NRG3: variants seen among roughly 807,000 people sequenced by gnomAD.
The protein encoded by NRG3 is pro-neuregulin-3, membrane-bound isoform.
A neutral mutation model predicts 66.9 loss-of-function variants in NRG3; 31 were observed. The observed-to-expected ratio is 0.46, with a 90% CI of 0.35 to 0.63. NRG3 has a LOEUF of 0.63. Ranked by LOEUF, NRG3 falls within the 20% of genes least tolerant of loss-of-function variation. NRG3 has a pLI of 0.00. For synonymous variants in NRG3, 393 were observed against 359.4 expected (o/e 1.09, Z -1.06); for missense variants, 910 against 878.9 (o/e 1.04, Z -0.45).
At position 81,877,357 on chromosome 10, in the gene NRG3, T is replaced by C. The variant is rs574080905; in HGVS notation, c.823+1194T>C. On this transcript the variant is annotated intron_variant, in intron 1 of 8. Transcript: ENST00000372141. ...ACAAACCCCAGGCTGCTAGTTCAAG[T>C]TCTGTGCAAGGCTATTTTGCAAAAA... is the stretch of plus-strand genomic sequence containing the variant. Among the ~76,000 whole-genome samples the C allele has an allele frequency of 5.9e-5, 9 of 152,288 alleles. No homozygotes were observed. The East Asian group carries it at 1.7e-3, about 29-fold the overall frequency.
At chr10:82,699,424 C>G (rs754252305) in intron 2 of NRG3, among the ~76,000 whole-genome samples, 1 of 152,002 alleles carries the variant, frequency 6.6e-6, no homozygotes, top group South Asian at 2.1e-4. Context: ...TTATTTTTAA[C>G]GTTCTTTAGC....
chr10:82,848,220 T>A (rs187341300), intron 3 of NRG3, among the ~76,000 whole-genome samples: 24 of 152,326 alleles, frequency 1.6e-4, no homozygotes, highest in African/African-American at 5.8e-4. Flanking sequence ...TCCTTGTGGC[T>A]TAAATTTTGT....
chr10:82,602,914 G>A (rs758296386), intron 2 of NRG3, among the ~76,000 whole-genome samples: 3 of 152,116 alleles, frequency 2.0e-5, no homozygotes, highest in Non-Finnish European at 4.4e-5. Flanking sequence ...GCTTGCCTAA[G>A]GAGACAATGA....
chr10:82,758,558 A>G (rs1372651160), intron 3 of NRG3, among the ~76,000 whole-genome samples: 3 of 152,110 alleles, frequency 2.0e-5, no homozygotes, highest in Non-Finnish European at 4.4e-5. Context: ...GTTTATTGTC[A>G]CCGAATATCT....
intron 2 of NRG3, among the ~76,000 whole-genome samples, chr10:82,680,009 G>A (rs1304323449): frequency 1.3e-5 from 2 of 151,982 alleles, no homozygotes; most frequent in Admixed American, 6.6e-5. Context: ...CAATGCCATG[G>A]TTTGTACAAA....
At chr10:82,008,945 G>T (rs2132614907) in intron 1 of NRG3, among the ~76,000 whole-genome samples, 1 of 152,244 alleles carries the variant, frequency 6.6e-6, no homozygotes, top group Admixed American at 6.5e-5. Flanking sequence ...TATATATGGA[G>T]AGTTCTTTTT....
At chr10:82,929,786 G>A (rs1847373895) in intron 4 of NRG3, among the ~76,000 whole-genome samples, 1 of 150,216 alleles carries the variant, frequency 6.7e-6, no homozygotes, top group Non-Finnish European at 1.5e-5. Context: ...TGAGGCAGGA[G>A]AATTGCTTGA....
In NRG3 at chr10:81,875,686, T is replaced by G; in HGVS notation, c.346T>G (p.Ser116Ala). The change falls in exon 1 of 9, where the codon TCC becomes GCC. Residue 116 changes from serine (S) to alanine (A), a missense_variant. By Grantham distance (99) the Ser-to-Ala change is moderately conservative. Coordinates refer to ENST00000372141, the MANE Select transcript of NRG3 (RefSeq NM_001010848.4). The surrounding 1 kb of genome is among the most constrained non-coding windows in gnomAD (Gnocchi z 5.3). The part of the protein sequence containing the change: ...KGMGQDPFFL[S>A]KPSSFPKAME... ...GATGGGCCAGGACCCCTTCTTCCTC[T>G]CCAAGCCCAGCTCTTTCCCCAAGGC... is the stretch of plus-strand genomic sequence containing the variant. 2 of 1,613,544 alleles carry G rather than the reference T, an allele frequency of 1.2e-6. No homozygotes were observed. Among genetic ancestry groups the G allele is most frequent in the Non-Finnish European group, 1.7e-6 (2 of 1,179,890 alleles).
At chr10:82,355,801 A>G (rs1278069882) in intron 1 of NRG3, among the ~76,000 whole-genome samples, 1 of 152,220 alleles carries the variant, frequency 6.6e-6, no homozygotes, top group Non-Finnish European at 1.5e-5. Flanking sequence ...TGTAGATAAT[A>G]TATAGTAAAA....
intron 2 of NRG3, among the ~76,000 whole-genome samples, chr10:82,663,361 G>C (rs1163976327): frequency 2.0e-5 from 3 of 152,132 alleles, no homozygotes; most frequent in African/African-American, 7.2e-5. Flanking sequence ...TCTAATTTTT[G>C]TATGAGACAA....
At chr10:82,982,336 C>T (rs1853011291) in intron 8 of NRG3, among the ~76,000 whole-genome samples, 1 of 152,134 alleles carries the variant, frequency 6.6e-6, no homozygotes, top group African/African-American at 2.4e-5. Flanking sequence ...AATGCTTCGA[C>T]TCACATAGTT....
intron 3 of NRG3, among the ~76,000 whole-genome samples, chr10:82,744,021 T>C (rs1051601775): frequency 1.3e-5 from 2 of 152,172 alleles, no homozygotes; most frequent in Admixed American, 6.5e-5. Flanking sequence ...CACAGTTTAT[T>C]TGGACCTTGG....
intron 4 of NRG3, among the ~76,000 whole-genome samples, chr10:82,871,716 T>C (rs1026993377): frequency 3.3e-5 from 5 of 152,142 alleles, no homozygotes; most frequent in Non-Finnish European, 7.4e-5. Flanking sequence ...CATATCATAT[T>C]TGTTTATTAC....
intron 1 of NRG3, among the ~76,000 whole-genome samples, chr10:82,114,440 A>C (rs2067573939): frequency 6.6e-6 from 1 of 152,292 alleles, no homozygotes. Context: ...ATTTTCAGAG[A>C]TTACTACCTC....
At chr10:82,821,234 A>G (rs2061940128) in intron 3 of NRG3, among the ~76,000 whole-genome samples, 1 of 151,930 alleles carries the variant, frequency 6.6e-6, no homozygotes, top group Non-Finnish European at 1.5e-5. Flanking sequence ...CCACAGAGTC[A>G]CCTCCCCACT....
intron 2 of NRG3, among the ~76,000 whole-genome samples, chr10:82,579,266 C>G (rs1302775013): frequency 6.6e-6 from 1 of 151,550 alleles, no homozygotes; most frequent in Non-Finnish European, 1.5e-5. Context: ...GAAAAACACC[C>G]AGTTTAAGTT....
intron 2 of NRG3, among the ~76,000 whole-genome samples, chr10:82,507,772 A>C (rs1388185874): frequency 6.6e-6 from 1 of 152,190 alleles, no homozygotes; most frequent in African/African-American, 2.4e-5. Flanking sequence ...CTGTGCAGAA[A>C]ATAGCCCCTA....
chr10:82,209,824 C>G (rs2075309851), intron 1 of NRG3, among the ~76,000 whole-genome samples: 1 of 152,070 alleles, frequency 6.6e-6, no homozygotes, highest in Admixed American at 6.6e-5. Flanking sequence ...TGCAGTGTGT[C>G]ACAAGTCTGT....
chr10:82,166,703 G>T, intron 1 of NRG3: 1 of 569,640 alleles, frequency 1.8e-6, no homozygotes, highest in Non-Finnish European at 3.2e-6. Context: ...TACCATTTCT[G>T]GTGCTCTTCA....
Sources: allele counts gnomAD v4.1 joint callset (sites outside exome capture counted in the v4.1 genomes callset), GRCh38; gene constraint gnomAD v4.1.1; non-coding constraint Gnocchi (gnomAD v3.1); transcripts MANE v1.5; gene names NCBI Gene and HGNC (gene_info 2026-07-23, HGNC 2026-07-21).